DIP2A: variants seen among roughly 807,000 people sequenced by gnomAD.
DIP2A encodes disco-interacting protein 2 homolog A.
DIP2A carries 85 observed loss-of-function variants against 177.4 expected under a neutral mutation model. That is an observed-to-expected ratio of 0.48 (90% CI 0.40 to 0.57). The LOEUF (loss-of-function observed/expected upper bound fraction) is 0.57, where lower values mean the gene tolerates loss of function less well. Among genes scored for constraint, DIP2A ranks in the 20% least tolerant of loss-of-function variants. The probability of loss-of-function intolerance (pLI) is 0.00; values close to 1 mark genes in which losing one functional copy is unlikely to be tolerated. For missense variants in DIP2A, 1,791 were observed against 2,100.2 expected, an observed-to-expected ratio of 0.85 and a Z score of 2.88; for synonymous variants, 886 against 881.8, an observed-to-expected ratio of 1.00 and a Z score of -0.08.
intron 3 of DIP2A, among the ~76,000 whole-genome samples, chr21:46,493,334 T>A: frequency 6.9e-6 from 1 of 144,782 alleles, no homozygotes. Context: ...TTTCCTTTTT[T>A]TCTAAGACAG....
At chr21:46,534,155 C>T (rs1354835665) in intron 12 of DIP2A, 42 bp downstream of exon 12, 1 of 1,485,398 alleles carries the variant, frequency 6.7e-7, no homozygotes, top group South Asian at 1.2e-5. Context: ...AAACATGTCC[C>T]ACAGGCTTAA....
chr21:46,472,399 A>G (rs117072939), intron 1 of DIP2A, among the ~76,000 whole-genome samples: 4 of 152,354 alleles, frequency 2.6e-5, no homozygotes, highest in Non-Finnish European at 5.9e-5. Flanking sequence ...ACAACATTCA[A>G]CAGACTGAGT....
In DIP2A at chr21:46,459,031, T is replaced by C; in HGVS notation, c.-101T>C. On this transcript the variant is annotated 5_prime_UTR_variant, in exon 1 of 38. An upstream open reading frame in the 5' UTR loses its in-frame stop. Coordinates refer to ENST00000417564, the MANE Select transcript of DIP2A (RefSeq NM_015151.4). ...CCTCCCGCTCCTCGCCTGGCGGATG[T>C]AGGTTGTTGGCCTGAGGGGAGCTAC... 3 of 966,922 alleles carry C rather than the reference T, an allele frequency of 3.1e-6. No homozygotes were observed. Among genetic ancestry groups the C allele is most frequent in the Admixed American group, 4.2e-5 (1 of 24,016 alleles). 59.9% of individuals were successfully genotyped at this position (966,922 alleles called of 1,614,324 possible). A position where few individuals can be genotyped will look rare whatever the true frequency, so the allele number is the denominator to read the frequency against.
chr21:46,498,723 C>T lies in DIP2A; in HGVS notation c.545C>T (p.Ser182Phe), dbSNP rs1201468590. ...TCGTCCACCTCATCCTCTGCATCCT[C>T]CACCTCATCTCACCCGGGAGGGAGA... Reference protein sequence around the residue: ...QGSSTSSSASSTSSHPGGRPT... With the variant: ...QGSSTSSSASFTSSHPGGRPT... Residue 182 changes from serine (S) to phenylalanine (F), a missense_variant, in exon 5 of 38, where the codon TCC becomes TTC. Ser to Phe is a radical substitution (Grantham distance 155). Transcript: ENST00000417564. This position sits in a 1 kb window ranked among gnomAD's most constrained non-coding sequence, Gnocchi z 4.3. 6.2e-7 allele frequency: 1 copy of T among 1,613,948 alleles called. No individual in the cohort carries two copies. The highest frequency in any genetic ancestry group is 1.6e-4 in the Middle Eastern group (1 of 6,062).
At chr21:46,536,186 A>G (rs565111431) in intron 13 of DIP2A, among the ~76,000 whole-genome samples, 127 of 152,372 alleles carry the variant, frequency 8.3e-4, no homozygotes, top group African/African-American at 3.0e-3. Context: ...CCTGGCACAC[A>G]AATCAAACCT....
rs181801848 is a variant in DIP2A at position 46,464,321 on chromosome 21, A to T, written c.91+5099A>T. Among the ~76,000 whole-genome samples the T allele has an allele frequency of 2.1e-3, 314 of 152,182 alleles. 2 individuals are homozygous for T. The highest frequency in any genetic ancestry group is 6.8e-3 in the African/African-American group (283 of 41,550). ...GGCAGGAGAACCACTTGAACCTGGG[A>T]GGCAGAGGTTGCAGTGAGCCGAGAT... On this transcript the variant is annotated intron_variant, in intron 1 of 37. Coordinates refer to ENST00000417564, the MANE Select transcript of DIP2A (RefSeq NM_015151.4).
intron 8 of DIP2A, among the ~76,000 whole-genome samples, chr21:46,517,520 C>T (rs111233306): frequency 3.0e-4 from 45 of 152,332 alleles, no homozygotes; most frequent in African/African-American, 1.0e-3. Flanking sequence ...CTGGCCCAGC[C>T]GGCCTTTGCT....
intron 8 of DIP2A, among the ~76,000 whole-genome samples, chr21:46,523,607 C>T (rs536845710): frequency 1.1e-4 from 12 of 111,058 alleles, no homozygotes; most frequent in Middle Eastern, 9.1e-3. Context: ...CCAGGCCTTA[C>T]GGCCAAAGGT....
rs1028759160 is a variant in DIP2A at position 46,563,043 on chromosome 21, C to G, written c.4090-815C>G. On this transcript the variant is annotated intron_variant, in intron 34 of 37. Transcript: ENST00000417564. This position sits in a 1 kb window ranked among gnomAD's most constrained non-coding sequence, Gnocchi z 4.3. ...CTTTCCTATTTTGCTGTTACAATCA[C>G]TTGGGCCTGATAGGTTTGTGTCCTG... Among the ~76,000 whole-genome samples, 77 of 152,314 alleles carry G rather than the reference C, an allele frequency of 5.1e-4. No individual in the cohort carries two copies. Among genetic ancestry groups the G allele is most frequent in the African/African-American group, 1.8e-3 (75 of 41,562 alleles).
chr21:46,468,261 CAA>C (rs1207842729), intron 1 of DIP2A, among the ~76,000 whole-genome samples: 4 of 87,838 alleles, frequency 4.6e-5, no homozygotes, highest in Admixed American at 1.4e-4. Context: ...GAGACTGTCT[CAA>C]AAAAAAAAAA....
intron 8 of DIP2A, among the ~76,000 whole-genome samples, chr21:46,528,502 A>G: frequency 8.0e-6 from 1 of 125,044 alleles, no homozygotes; most frequent in Middle Eastern, 5.9e-3. Context: ...ACATATGTAT[A>G]CCAAATACTG....
chr21:46,527,782 G>C (rs2059165447), intron 8 of DIP2A, among the ~76,000 whole-genome samples: 2 of 152,186 alleles, frequency 1.3e-5, no homozygotes, highest in South Asian at 4.2e-4. Flanking sequence ...GACTTAAAGG[G>C]CTCAGTGATG....
At chr21:46,536,314 C>A (rs2059567306) in intron 13 of DIP2A, among the ~76,000 whole-genome samples, 1 of 152,338 alleles carries the variant, frequency 6.6e-6, no homozygotes, top group Middle Eastern at 3.4e-3. Flanking sequence ...GAAGACTTGG[C>A]CAGGGGCTCT....
At chr21:46,488,751 TA>T (rs1261199624) in intron 2 of DIP2A, among the ~76,000 whole-genome samples, 2 of 152,230 alleles carry the variant, frequency 1.3e-5, no homozygotes, top group Non-Finnish European at 2.9e-5. Context: ...TGAATTACTG[TA>T]ACCTTTTTGG....
chr21:46,466,999 A>C (rs947560186), intron 1 of DIP2A, among the ~76,000 whole-genome samples: 17 of 152,166 alleles, frequency 1.1e-4, no homozygotes, highest in Non-Finnish European at 1.6e-4. Flanking sequence ...TATTATTAAA[A>C]ATTTTAAATG....
At chr21:46,574,581 GA>G (rs374989060), downstream of DIP2A, among the ~76,000 whole-genome samples, 321 of 151,796 alleles carry the variant, frequency 2.1e-3, 1 homozygote, top group African/African-American at 7.4e-3. Flanking sequence ...GATGGACCAA[GA>G]AAAAAAGAAG....
At chr21:46,572,280 G>T (rs528726753), downstream of DIP2A, among the ~76,000 whole-genome samples, 53 of 152,176 alleles carry the variant, frequency 3.5e-4, no homozygotes, top group Non-Finnish European at 7.1e-4. Context: ...GTAAGCTAAG[G>T]TTAATTTATT....
intron 9 of DIP2A, among the ~76,000 whole-genome samples, chr21:46,529,737 T>C (rs2059277105): frequency 6.6e-6 from 1 of 152,214 alleles, no homozygotes; most frequent in Non-Finnish European, 1.5e-5. Context: ...TCTGTTTGAC[T>C]TCATATATGT....
At chr21:46,566,824 T>A in intron 37 of DIP2A, 141 bp downstream of exon 37, 1 of 1,127,784 alleles carries the variant, frequency 8.9e-7, no homozygotes, top group African/African-American at 1.5e-5. Flanking sequence ...TGGTCTGCAG[T>A]GGAGCTGGGT....
Sources: allele counts gnomAD v4.1 joint callset (sites outside exome capture counted in the v4.1 genomes callset), GRCh38; gene constraint gnomAD v4.1.1; non-coding constraint Gnocchi (gnomAD v3.1); transcripts MANE v1.5; gene names NCBI Gene and HGNC (gene_info 2026-07-23, HGNC 2026-07-21).